TRPM2: variants seen among roughly 807,000 people sequenced by gnomAD.
TRPM2 encodes the protein estrogen-responsive element-associated gene 1 protein.
In TRPM2, 161 loss-of-function variants were observed where a neutral mutation model predicts 174.0. That is an observed-to-expected ratio of 0.93 (90% CI 0.81 to 1.05). The LOEUF (loss-of-function observed/expected upper bound fraction) is 1.05, where lower values mean the gene tolerates loss of function less well. TRPM2 is among the 50% of genes least tolerant of loss of function. The pLI, the probability that TRPM2 is intolerant of heterozygous loss-of-function variation, is 0.00. For missense variants in TRPM2, 2,057 were observed against 2,038.0 expected (o/e 1.01, Z -0.18); for synonymous variants, 954 against 861.3 (o/e 1.11, Z -1.88).
intron 27 of TRPM2, among the ~76,000 whole-genome samples, chr21:44,433,731 G>A (rs1026790074): frequency 1.3e-5 from 2 of 152,202 alleles, no homozygotes; most frequent in African/African-American, 2.4e-5. Flanking sequence ...AAGGCCCCCC[G>A]GCCACAGAGG....
rs189859390 is a variant in TRPM2 at position 44,412,037 on chromosome 21, G to T, written c.2963-1854G>T. Among the ~76,000 whole-genome samples the T allele has an allele frequency of 5.2e-4, 79 of 152,258 alleles. 1 individual carries two copies. The highest frequency in any genetic ancestry group is 1.6e-3 in the African/African-American group (66 of 41,550). On this transcript the variant is annotated intron_variant, in intron 19 of 31. Transcript: ENST00000397928. ...GATTTTTGCACCTATATTCATGAAG[G>T]TTATTGGTCTGTGGTTTTCTTTTCT...
Position 44,405,773 on chromosome 21 carries a change from T to G in TRPM2, c.2658-132T>G, listed in dbSNP as rs1252210605. On this transcript the variant is annotated intron_variant, in intron 17 of 31. Transcript: ENST00000397928. ...TCATGCCAGCTTTGAACACCTGGGATGCAGGGCCCACCAGAGCCCTTTGCC... is the reference window on the plus strand; with the variant it reads ...TCATGCCAGCTTTGAACACCTGGGAGGCAGGGCCCACCAGAGCCCTTTGCC... The G allele has an allele frequency of 1.0e-5, 11 of 1,089,984 alleles. No individual in the cohort carries two copies. The South Asian group carries it at 1.2e-4, about 12-fold the overall frequency. 67.5% of individuals were successfully genotyped at this position (1,089,984 alleles called of 1,614,324 possible).
intron 2 of TRPM2, among the ~76,000 whole-genome samples, chr21:44,355,569 C>G (rs2048037073): frequency 6.6e-6 from 1 of 152,222 alleles, no homozygotes; most frequent in African/African-American, 2.4e-5. Context: ...GTGTGTTTCT[C>G]TTTGATCCCA....
intron 12 of TRPM2, 145 bp from the exon 13 acceptor site, chr21:44,397,602 G>C: frequency 1.2e-6 from 1 of 862,546 alleles, no homozygotes; most frequent in Non-Finnish European, 1.6e-6. Flanking sequence ...TAAGTTGTCT[G>C]TATAGATGTG....
chr21:44,391,818 T>TGGAAGCCCGAAGTCCC lies in TRPM2; in HGVS notation c.1794+194_1794+209dup, dbSNP rs1404128105. Among the ~76,000 whole-genome samples the TGGAAGCCCGAAGTCCC allele has an allele frequency of 6.6e-6, 1 of 152,244 alleles. No homozygotes were observed. The highest frequency in any genetic ancestry group is 1.9e-4 in the East Asian group (1 of 5,194). On this transcript the variant is annotated intron_variant, in intron 11 of 31. Coordinates refer to ENST00000397928, the MANE Select transcript of TRPM2 (RefSeq NM_003307.4). The surrounding 1 kb of genome is among the most constrained non-coding windows in gnomAD (Gnocchi z 5.0). Reference sequence around the variant, plus strand: ...CTACCAGTTTATTTTCTCGAAGTTCTGGAAGCCCGAAGTCCCAGATTAAGG... The same window carrying TGGAAGCCCGAAGTCCC: ...CTACCAGTTTATTTTCTCGAAGTTCTGGAAGCCCGAAGTCCCGGAAGCCCGAAGTCCCAGATTAAGG...
chr21:44,377,370 C>G (rs2048736866), intron 6 of TRPM2, among the ~76,000 whole-genome samples: 1 of 152,196 alleles, frequency 6.6e-6, no homozygotes, highest in South Asian at 2.1e-4. Flanking sequence ...CCCTCCCTCC[C>G]AAGAAAGCAG....
At position 44,440,771 on chromosome 21, in the gene TRPM2, C is replaced by A. The variant is rs1324257906; in HGVS notation, c.4270-18C>A. ...AGGTGTCCCTCGCTGTCGGGCTTAC[C>A]CTGCCCTGCCCATCCAGGTGTACAA... On this transcript the variant is annotated intron_variant, in intron 30 of 31. Coordinates refer to ENST00000397928, the MANE Select transcript of TRPM2 (RefSeq NM_003307.4). 1.2e-6 allele frequency: 2 copies of A among 1,610,328 alleles called. No individual in the cohort carries two copies. Among genetic ancestry groups the A allele is most frequent in the South Asian group, 1.1e-5 (1 of 90,972 alleles).
rs1237709796 is a variant in TRPM2 at position 44,439,385 on chromosome 21, C to T, written c.4269+217C>T. ...TGCAGGGCCCCTCAGACATCTCGCC[C>T]TCCCTCTCTGTTCCATTTTCTCCTC... is the stretch of plus-strand genomic sequence containing the variant. On this transcript the variant is annotated intron_variant, in intron 30 of 31. Coordinates refer to ENST00000397928, the MANE Select transcript of TRPM2 (RefSeq NM_003307.4). This position sits in a 1 kb window ranked among gnomAD's most constrained non-coding sequence, Gnocchi z 5.1. 1.3e-5 allele frequency among the ~76,000 whole-genome samples: 2 copies of T among 152,286 alleles called. No homozygotes were observed. Among genetic ancestry groups the T allele is most frequent in the East Asian group, 1.9e-4 (1 of 5,176 alleles).
chr21:44,436,046 C>T (rs1394514033), intron 28 of TRPM2, among the ~76,000 whole-genome samples: 1 of 151,676 alleles, frequency 6.6e-6, no homozygotes, highest in Non-Finnish European at 1.5e-5. Context: ...CACAGCCCCA[C>T]ACTCAACCCC....
At chr21:44,355,707 G>C (rs945762102) in intron 2 of TRPM2, among the ~76,000 whole-genome samples, 1 of 152,102 alleles carries the variant, frequency 6.6e-6, no homozygotes, top group Non-Finnish European at 1.5e-5. Context: ...CATATTTACT[G>C]AATATGGGGA....
intron 13 of TRPM2, among the ~76,000 whole-genome samples, chr21:44,398,915 C>T (rs1426453053): frequency 6.6e-6 from 1 of 152,070 alleles, no homozygotes; most frequent in Non-Finnish European, 1.5e-5. Flanking sequence ...GGGTTCGTTT[C>T]GGGAAAGGGC....
At position 44,409,644 on chromosome 21, in the gene TRPM2, T is replaced by C. The variant is rs962716268; in HGVS notation, c.2962+2879T>C. On this transcript the variant is annotated intron_variant, in intron 19 of 31. Coordinates refer to ENST00000397928, the MANE Select transcript of TRPM2 (RefSeq NM_003307.4). Reference sequence around the variant, plus strand: ...TGACTGCACTGTCTTGGCGTAGCCTTGTAGTAAGTTTTGACTGCACTGTCT... The same window carrying C: ...TGACTGCACTGTCTTGGCGTAGCCTCGTAGTAAGTTTTGACTGCACTGTCT... Among the ~76,000 whole-genome samples, 3 of 146,656 alleles carry C rather than the reference T, an allele frequency of 2.0e-5. 1 individual carries two copies. The highest frequency in any genetic ancestry group is 7.7e-5 in the African/African-American group (3 of 39,038).
chr21:44,441,132 C>T (rs1435181858), intron 31 of TRPM2, among the ~76,000 whole-genome samples: 4 of 152,108 alleles, frequency 2.6e-5, no homozygotes, highest in Admixed American at 2.6e-4. Flanking sequence ...GGCCCAGGGC[C>T]AGAAACTGGA....
intron 9 of TRPM2, among the ~76,000 whole-genome samples, chr21:44,389,972 A>C (rs2049123678): frequency 6.7e-6 from 1 of 150,298 alleles, no homozygotes; most frequent in Admixed American, 6.7e-5. Flanking sequence ...TCCTGGGTTC[A>C]CACCATTCTC....
rs764032592 is a variant in TRPM2 at position 44,405,172 on chromosome 21, A to T, written c.2569A>T (p.Met857Leu). 1.9e-5 allele frequency: 30 copies of T among 1,613,376 alleles called. No individual in the cohort carries two copies. The highest frequency in any genetic ancestry group is 1.4e-4 in the South Asian group (13 of 91,088). Reference protein sequence around the residue: ...LFYDPDECGLMKKAALYFSDF... With the variant: ...LFYDPDECGLLKKAALYFSDF... ...CTATGACCCTGACGAGTGCGGGCTG[A>T]TGAAGAAGGCAGCCTTGTACTTCAG... The change falls in exon 17 of 32, where the codon ATG becomes TTG. Residue 857 changes from methionine (M) to leucine (L), a missense_variant. Met to Leu is a conservative substitution (Grantham distance 15). Transcript: ENST00000397928.
chr21:44,385,686 A>G (rs573949897), intron 9 of TRPM2, among the ~76,000 whole-genome samples: 1 of 152,354 alleles, frequency 6.6e-6, no homozygotes, highest in South Asian at 2.1e-4. Flanking sequence ...TATAAAGGAA[A>G]GAGGTTAAAT....
chr21:44,433,746 C>T (rs1056301579), intron 27 of TRPM2, among the ~76,000 whole-genome samples: 6 of 152,174 alleles, frequency 3.9e-5, no homozygotes, highest in African/African-American at 1.4e-4. Flanking sequence ...CAGAGGAGAC[C>T]GCAGAGTGAG....
intron 3 of TRPM2, among the ~76,000 whole-genome samples, chr21:44,364,702 G>A (rs1175676969): frequency 1.3e-5 from 2 of 152,136 alleles, no homozygotes; most frequent in Admixed American, 6.5e-5. Flanking sequence ...GGGGGAAGGG[G>A]CCCAGGATAG....
intron 2 of TRPM2, among the ~76,000 whole-genome samples, chr21:44,356,846 C>G (rs888083236): frequency 1.3e-5 from 2 of 152,224 alleles, no homozygotes; most frequent in African/African-American, 2.4e-5. Context: ...CTGATTTCCT[C>G]TTTCTTTCAG....
Sources: gnomAD v4.1 joint callset for allele counts (sites outside exome capture counted in the v4.1 genomes callset) on GRCh38, gnomAD v4.1.1 for gene constraint, Gnocchi (gnomAD v3.1) non-coding constraint, MANE v1.5 for transcripts, NCBI Gene and HGNC (gene_info 2026-07-23, HGNC 2026-07-21) for gene names.